Variants in RNF14 observed in about 807,000 individuals in gnomAD.
The protein encoded by RNF14 is E3 ubiquitin-protein ligase RNF14.
A neutral mutation model predicts 52.6 loss-of-function variants in RNF14; 26 were observed. The observed-to-expected ratio is 0.49, with a 90% CI of 0.36 to 0.69. RNF14 has a LOEUF of 0.69. Ranked by LOEUF, RNF14 falls within the 30% of genes least tolerant of loss-of-function variation. The pLI is 0.00. For synonymous variants in RNF14, 194 were observed against 202.0 expected (o/e 0.96, Z 0.34); for missense variants, 404 against 560.4 (o/e 0.72, Z 2.82).
upstream of RNF14, among the ~76,000 whole-genome samples, chr5:141,967,535 A>C (rs554301186): frequency 6.6e-6 from 1 of 152,228 alleles, no homozygotes; most frequent in South Asian, 2.1e-4. Context: ...GGCCACTTCT[A>C]AATCTGGGGC....
At chr5:141,951,618 C>T in the RNF14 span, 1 of 1,508,230 alleles carries the variant, frequency 6.6e-7, no homozygotes, top group Middle Eastern at 1.7e-4. Context: ...TCTGTTGACT[C>T]CACACAATTC....
intron 8 of RNF14, among the ~76,000 whole-genome samples, chr5:141,985,754 C>T (rs796780488): frequency 9.9e-5 from 15 of 152,204 alleles, no homozygotes; most frequent in African/African-American, 3.1e-4. Flanking sequence ...GGGGTTTCAC[C>T]GTGTTAGCCA....
intron 8 of RNF14, among the ~76,000 whole-genome samples, chr5:141,985,594 C>T (rs968940239): frequency 4.0e-5 from 6 of 151,898 alleles, no homozygotes; most frequent in African/African-American, 7.3e-5. Context: ...CTCGCTCTGT[C>T]GCCCAGGCTG....
upstream of RNF14, chr5:141,957,598 A>G: frequency 6.2e-7 from 1 of 1,614,184 alleles, no homozygotes; most frequent in Non-Finnish European, 8.5e-7. This position sits in a 1 kb window ranked among gnomAD's most constrained non-coding sequence, Gnocchi z 4.3. Flanking sequence ...TGTGCTGAGC[A>G]AGCCTTCCTC....
intron 1 of RNF14, among the ~76,000 whole-genome samples, chr5:141,959,784 C>G (rs747489410): frequency 6.6e-6 from 1 of 152,168 alleles, no homozygotes; most frequent in South Asian, 2.1e-4. Flanking sequence ...CCAGGGCCAC[C>G]TCCTACAGCA....
At chr5:141,964,644 C>T (rs888094269), upstream of RNF14, among the ~76,000 whole-genome samples, 2 of 152,084 alleles carry the variant, frequency 1.3e-5, no homozygotes, top group Non-Finnish European at 2.9e-5. Flanking sequence ...GACAGAGTCT[C>T]ATTCTGTTGC....
rs1755471075 is a variant in RNF14 at position 141,989,342 on chromosome 5, T to C, written c.*1552T>C. ...GACTGAGCTTAGGTTTTAGGGCCCATATTTTGTTTAAACCAGATAGTTTCA... is the reference window on the plus strand; with the variant it reads ...GACTGAGCTTAGGTTTTAGGGCCCACATTTTGTTTAAACCAGATAGTTTCA... On this transcript the variant is annotated 3_prime_UTR_variant, in exon 9 of 9. Coordinates refer to ENST00000394520, the MANE Select transcript of RNF14 (RefSeq NM_004290.5). The C allele has an allele frequency of 6.6e-6, 1 of 152,206 alleles. No individual in the cohort carries two copies. The highest frequency in any genetic ancestry group is 1.5e-5 in the Non-Finnish European group (1 of 68,034). 9.4% of individuals were successfully genotyped at this position (152,206 alleles called of 1,614,324 possible).
intron 4 of RNF14, among the ~76,000 whole-genome samples, chr5:141,977,218 A>C (rs1347905153): frequency 6.6e-6 from 1 of 152,182 alleles, no homozygotes; most frequent in East Asian, 1.9e-4. Flanking sequence ...TACAGATGTT[A>C]GCAGATTTCT....
In RNF14 at chr5:141,989,194, GT is replaced by G. The variant is rs1435996489; in HGVS notation, c.*1406del. The stretch of plus-strand genomic sequence containing the variant: ...AAAATCATCTTATAATTAGAACAGA[GT>G]TGCTGCTATTTGTTCTGTCACCAAG... On this transcript the variant is annotated 3_prime_UTR_variant, in exon 9 of 9. Transcript: ENST00000394520. 2 of 152,204 alleles carry G rather than the reference GT, an allele frequency of 1.3e-5. No homozygotes were observed. The highest frequency in any genetic ancestry group is 4.8e-5 in the African/African-American group (2 of 41,404). 9.4% of individuals were successfully genotyped at this position (152,204 alleles called of 1,614,324 possible). A position where few individuals can be genotyped will look rare whatever the true frequency, so the allele number is the denominator to read the frequency against.
At chr5:141,957,032 C>T (rs373331991), upstream of RNF14, 2 of 1,614,210 alleles carry the variant, frequency 1.2e-6, no homozygotes, top group African/African-American at 2.7e-5. This position sits in a 1 kb window ranked among gnomAD's most constrained non-coding sequence, Gnocchi z 4.3. Flanking sequence ...CCATTGGGGC[C>T]TTGGTCAGGG....
the RNF14 span, chr5:141,951,582 G>C: frequency 6.2e-7 from 1 of 1,613,960 alleles, no homozygotes; most frequent in South Asian, 1.1e-5. Context: ...ACAGCAGCTG[G>C]GAGATTTGCT....
upstream of RNF14, among the ~76,000 whole-genome samples, chr5:141,963,835 C>T (rs1306854556): frequency 1.3e-5 from 2 of 152,146 alleles, no homozygotes; most frequent in African/African-American, 4.8e-5. Flanking sequence ...GTCTTCCCAT[C>T]GTTACATAAA....
the RNF14 span, chr5:141,951,676 T>C: frequency 2.1e-6 from 2 of 962,774 alleles, no homozygotes. Context: ...TGCCGGTGCT[T>C]TCTTTTTATA....
chr5:141,956,015 A>C (rs773781108), upstream of RNF14: 1 of 1,614,054 alleles, frequency 6.2e-7, no homozygotes, highest in Admixed American at 1.7e-5. Flanking sequence ...AATGGCCGGG[A>C]GCTGTGAGTG....
chr5:141,970,637 T>A (rs976050961), intron 1 of RNF14, 67 bp from the exon 2 acceptor site: 44 of 152,458 alleles, frequency 2.9e-4, no homozygotes, highest in African/African-American at 9.4e-4. Context: ...TAAGCAGTGA[T>A]CATGGAAATT....
chr5:141,988,542 A>T lies in RNF14; in HGVS notation c.*752A>T, dbSNP rs1755427129. 1 of 152,262 alleles carries T rather than the reference A, an allele frequency of 6.6e-6. No individual in the cohort carries two copies. Among genetic ancestry groups the T allele is most frequent in the Non-Finnish European group, 1.5e-5 (1 of 68,028 alleles). 9.4% of individuals were successfully genotyped at this position (152,262 alleles called of 1,614,324 possible). ...CTATTCAGCCTTCCTGGGTGTTAGA[A>T]CCTAGATTCAAAATGGCTTGTCTTT... On this transcript the variant is annotated 3_prime_UTR_variant, in exon 9 of 9. Coordinates refer to ENST00000394520, the MANE Select transcript of RNF14 (RefSeq NM_004290.5).
At chr5:141,951,590 G>T in the RNF14 span, 1 of 1,613,002 alleles carries the variant, frequency 6.2e-7, no homozygotes, top group Admixed American at 1.7e-5. Context: ...TGGGAGATTT[G>T]CTACAAGACA....
intron 5 of RNF14, 54 bp downstream of exon 5, chr5:141,978,884 A>AG: frequency 6.4e-7 from 1 of 1,570,960 alleles, no homozygotes; most frequent in South Asian, 1.2e-5. Flanking sequence ...ATAAATGGAG[A>AG]TATCATCTCA....
At position 141,989,731 on chromosome 5, in the gene RNF14, TTAAAGA is replaced by T. The variant is rs1755494652; in HGVS notation, c.*1945_*1950del. The T allele has an allele frequency of 6.7e-6, 1 of 150,142 alleles. No homozygotes were observed. The highest frequency in any genetic ancestry group is 2.1e-4 in the South Asian group (1 of 4,762). 9.3% of individuals were successfully genotyped at this position (150,142 alleles called of 1,614,324 possible). ...AAAAAAATTGAGGTTAAAGAATAAA[TTAAAGA>T]TAAGAAATGGAAATTAAAATGATTT... On this transcript the variant is annotated 3_prime_UTR_variant, in exon 9 of 9. Transcript: ENST00000394520.
Sources: gnomAD v4.1 joint callset for allele counts (sites outside exome capture counted in the v4.1 genomes callset) on GRCh38, gnomAD v4.1.1 for gene constraint, Gnocchi (gnomAD v3.1) non-coding constraint, MANE v1.5 for transcripts, NCBI Gene and HGNC (gene_info 2026-07-23, HGNC 2026-07-21) for gene names.